The following RBPJ variants were observed in gnomAD, a reference collection of about 807,000 sequenced individuals.
RBPJ encodes the protein recombination signal binding protein for immunoglobulin kappa J region, also known as recombining binding protein suppressor of hairless.
A neutral mutation model predicts 67.8 loss-of-function variants in RBPJ; 9 were observed. That is an observed-to-expected ratio of 0.13 (90% CI 0.08 to 0.23). The LOEUF (loss-of-function observed/expected upper bound fraction) is 0.23, where lower values mean the gene tolerates loss of function less well. Ranked by LOEUF, RBPJ falls within the 10% of genes least tolerant of loss-of-function variation. The pLI is 1.00. For missense variants in RBPJ, 305 were observed against 595.6 expected (o/e 0.51, Z 5.08); for synonymous variants, 198 against 203.3 (o/e 0.97, Z 0.22).
At chr4:26,183,971 C>T (rs1717121056) in intron 1 of RBPJ, among the ~76,000 whole-genome samples, 1 of 152,014 alleles carries the variant, frequency 6.6e-6, no homozygotes, top group Admixed American at 6.5e-5. Context: ...GAGATCGCAT[C>T]ACTGCACTCC....
intron 1 of RBPJ, among the ~76,000 whole-genome samples, chr4:26,201,906 A>G (rs1235700941): frequency 6.6e-6 from 1 of 152,232 alleles, no homozygotes; most frequent in African/African-American, 2.4e-5. Context: ...CATCATTTCA[A>G]TGATACCCAC....
chr4:26,257,248 G>A (rs1720370350), intron 1 of RBPJ, among the ~76,000 whole-genome samples: 1 of 152,190 alleles, frequency 6.6e-6, no homozygotes, highest in African/African-American at 2.4e-5. Flanking sequence ...ACTTCTCCAA[G>A]CCTATTATAT....
chr4:26,156,664 A>C, the RBPJ span, among the ~76,000 whole-genome samples: 1 of 151,622 alleles, frequency 6.6e-6, no homozygotes, highest in Non-Finnish European at 1.5e-5. Context: ...TATGTTGGCC[A>C]GGCTGGTCTT....
the RBPJ span, among the ~76,000 whole-genome samples, chr4:26,109,836 A>G: frequency 6.6e-6 from 1 of 151,856 alleles, no homozygotes; most frequent in Admixed American, 6.6e-5. Context: ...AATTCTTATA[A>G]CCAACTGATT....
intron 1 of RBPJ, among the ~76,000 whole-genome samples, chr4:26,251,456 T>C (rs1180010393): frequency 6.6e-6 from 1 of 151,810 alleles, no homozygotes; most frequent in Non-Finnish European, 1.5e-5. Flanking sequence ...GCCAACATGG[T>C]GAAACCCTGT....
chr4:26,168,055 G>A (rs572649603), intron 1 of RBPJ, among the ~76,000 whole-genome samples: 18 of 151,908 alleles, frequency 1.2e-4, no homozygotes, highest in African/African-American at 4.1e-4. Flanking sequence ...TTTAATTGGA[G>A]CATTTAGTCC....
chr4:26,237,713 C>G (rs1344882628), intron 1 of RBPJ, among the ~76,000 whole-genome samples: 1 of 152,126 alleles, frequency 6.6e-6, no homozygotes, highest in Non-Finnish European at 1.5e-5. Flanking sequence ...CTCGGTCTCC[C>G]TATCAGTACA....
At chr4:26,123,788 G>T in the RBPJ span, among the ~76,000 whole-genome samples, 1 of 152,002 alleles carries the variant, frequency 6.6e-6, no homozygotes, top group Non-Finnish European at 1.5e-5. Flanking sequence ...ACAGGGTCAG[G>T]GTCATCAATA....
chr4:26,184,194 AAAG>A (rs1717135311), intron 1 of RBPJ, among the ~76,000 whole-genome samples: 3 of 99,854 alleles, frequency 3.0e-5, no homozygotes, highest in African/African-American at 5.5e-5. Flanking sequence ...AAAAAAAAAA[AAAG>A]AAAGAAAAAA....
At chr4:26,109,878 A>G in the RBPJ span, among the ~76,000 whole-genome samples, 1 of 152,014 alleles carries the variant, frequency 6.6e-6, no homozygotes, top group East Asian at 1.9e-4. Context: ...AAGCAGACAG[A>G]ATCACCTTAT....
intron 1 of RBPJ, among the ~76,000 whole-genome samples, chr4:26,381,943 A>G (rs1241321370): frequency 6.6e-6 from 1 of 152,232 alleles, no homozygotes; most frequent in Admixed American, 6.5e-5. Context: ...TATACTTAGC[A>G]AAAAGATAAG....
upstream of RBPJ, among the ~76,000 whole-genome samples, chr4:26,318,193 T>TA (rs1722726195): frequency 6.6e-6 from 1 of 152,090 alleles, no homozygotes; most frequent in African/African-American, 2.4e-5. Flanking sequence ...GGTTTCCTAT[T>TA]AGAGAACTCA....
chr4:26,252,334 G>A (rs954957589), intron 1 of RBPJ, among the ~76,000 whole-genome samples: 3 of 152,158 alleles, frequency 2.0e-5, no homozygotes, highest in Non-Finnish European at 2.9e-5. Flanking sequence ...AGTGGGTCAT[G>A]CATGTAGTCC....
At chr4:26,149,160 G>A in the RBPJ span, among the ~76,000 whole-genome samples, 1 of 152,186 alleles carries the variant, frequency 6.6e-6, no homozygotes, top group South Asian at 2.1e-4. Context: ...TAAGGGAAAT[G>A]GAAAAGGTCA....
At chr4:26,203,588 C>T (rs1718066972) in intron 1 of RBPJ, among the ~76,000 whole-genome samples, 2 of 152,250 alleles carry the variant, frequency 1.3e-5, no homozygotes, top group African/African-American at 4.8e-5. Context: ...GCTCTGTCCT[C>T]CACTCCTAAA....
Position 26,348,562 on chromosome 4 carries a change from G to A in RBPJ, c.20+27514G>A, listed in dbSNP as rs141625790. 2.6e-5 allele frequency among the ~76,000 whole-genome samples: 4 copies of A among 152,222 alleles called. No individual in the cohort carries two copies. The East Asian group carries it at 7.7e-4, about 29-fold the overall frequency. On this transcript the variant is annotated intron_variant, in intron 1 of 10. Coordinates refer to ENST00000355476, the MANE Select transcript of RBPJ (RefSeq NM_015874.6). ...AAAGTTAGCATGTACCCCAATATAT[G>A]TGATTATCATATTGTACTGTACCAA...
At chr4:26,351,333 A>C in intron 1 of RBPJ, among the ~76,000 whole-genome samples, 1 of 152,162 alleles carries the variant, frequency 6.6e-6, no homozygotes, top group Admixed American at 6.5e-5. Flanking sequence ...AAGACACAGA[A>C]GTTTTTGATC....
chr4:26,410,032 T>TA (rs1166921015), intron 3 of RBPJ: 4 of 454,770 alleles, frequency 8.8e-6, no homozygotes, highest in African/African-American at 2.0e-5. Context: ...TTGATTTTTT[T>TA]AAAAAACAGG....
chr4:26,281,335 A>G (rs1721266619), intron 1 of RBPJ, among the ~76,000 whole-genome samples: 1 of 152,036 alleles, frequency 6.6e-6, no homozygotes, highest in South Asian at 2.1e-4. Context: ...CTGGAGTGCA[A>G]TGGCGTAAAC....
Sources: allele counts gnomAD v4.1 joint callset (sites outside exome capture counted in the v4.1 genomes callset), GRCh38; gene constraint gnomAD v4.1.1; transcripts MANE v1.5; gene names NCBI Gene and HGNC (gene_info 2026-07-23, HGNC 2026-07-21).